Variants in RDX observed in about 807,000 individuals in gnomAD.
The protein encoded by RDX is deafness, autosomal recessive 24.
In RDX, 32 loss-of-function variants were observed where a neutral mutation model predicts 83.7. The observed-to-expected ratio is 0.38, with a 90% CI of 0.29 to 0.51. The LOEUF (loss-of-function observed/expected upper bound fraction) is 0.51. RDX is among the 20% of genes least tolerant of loss of function. The probability of loss-of-function intolerance (pLI) is 0.87; values close to 1 mark genes in which losing one functional copy is unlikely to be tolerated. For missense variants in RDX, 600 were observed against 689.9 expected (o/e 0.87, Z 1.46); for synonymous variants, 229 against 222.7 (o/e 1.03, Z -0.25).
At chr11:110,276,629 G>A (rs1860530510) in intron 2 of RDX, among the ~76,000 whole-genome samples, 1 of 152,110 alleles carries the variant, frequency 6.6e-6, no homozygotes, top group Non-Finnish European at 1.5e-5. Flanking sequence ...TTTTCTCACT[G>A]TACATTGACT....
intron 1 of RDX, among the ~76,000 whole-genome samples, chr11:110,282,026 G>A (rs1860786611): frequency 6.6e-6 from 1 of 150,526 alleles, no homozygotes; most frequent in South Asian, 2.1e-4. Flanking sequence ...GGGAAGTGCA[G>A]GTTGAAGTGA....
chr11:110,295,642 G>T (rs1224296434), intron 1 of RDX, among the ~76,000 whole-genome samples: 5 of 122,256 alleles, frequency 4.1e-5, no homozygotes, highest in Non-Finnish European at 8.3e-5. Flanking sequence ...TGTTTAAACT[G>T]AAAAAAAAAA....
intron 14 of RDX, among the ~76,000 whole-genome samples, chr11:110,212,160 C>T (rs1863861267): frequency 6.7e-6 from 1 of 150,100 alleles, no homozygotes; most frequent in Non-Finnish European, 1.5e-5. Flanking sequence ...GATATCACCA[C>T]CGATCCCACA....
downstream of RDX, among the ~76,000 whole-genome samples, chr11:110,226,020 C>G (rs1379814220): frequency 6.8e-6 from 1 of 146,542 alleles, no homozygotes; most frequent in Admixed American, 7.0e-5. Flanking sequence ...GAGCCAAAAT[C>G]GCATCACTGC....
intron 15 of RDX, among the ~76,000 whole-genome samples, chr11:110,196,868 C>A (rs1201486828): frequency 6.6e-6 from 1 of 152,170 alleles, no homozygotes; most frequent in Non-Finnish European, 1.5e-5. Flanking sequence ...GGGTCCTATT[C>A]ATGTGGAAAC....
intron 1 of RDX, among the ~76,000 whole-genome samples, chr11:110,289,193 G>A (rs980487074): frequency 2.1e-5 from 3 of 144,114 alleles, no homozygotes; most frequent in South Asian, 2.2e-4. Context: ...AGCCAAGATC[G>A]CGCCATTGCA....
chr11:110,264,185 C>A lies in RDX; in HGVS notation c.242G>T (p.Arg81Ile). Residue 81 changes from arginine to isoleucine, a missense_variant, in exon 5 of 14, where the codon AGA (arginine) becomes ATA (isoleucine). Transcript: ENST00000645495. ...KKENPLQFKF[R>I]AKFFPEDVSE... The stretch of plus-strand genomic sequence containing the variant: ...AACATCTTCAGGAAAGAATTTAGCT[C>A]TAAACTTGAACTGTAAAGGATTCTC... 3 of 1,611,632 alleles carry A rather than the reference C, an allele frequency of 1.9e-6. No individual in the cohort carries two copies. Among genetic ancestry groups the A allele is most frequent in the Middle Eastern group, 3.3e-4 (2 of 6,058 alleles).
intron 5 of RDX, among the ~76,000 whole-genome samples, chr11:110,258,711 T>C (rs1433892836): frequency 6.6e-6 from 1 of 152,174 alleles, no homozygotes; most frequent in Non-Finnish European, 1.5e-5. Flanking sequence ...TCTTCCTTTA[T>C]GTATTTACTT....
intron 3 of RDX, among the ~76,000 whole-genome samples, chr11:110,267,064 A>G (rs1860079848): frequency 1.3e-5 from 2 of 151,854 alleles, no homozygotes; most frequent in African/African-American, 4.8e-5. Context: ...CACCAAACCT[A>G]GCTAATTTTT....
chr11:110,251,215 A>G lies in RDX; in HGVS notation c.959+2731T>C, dbSNP rs532982467. 2.0e-5 allele frequency among the ~76,000 whole-genome samples: 3 copies of G among 152,328 alleles called. No homozygotes were observed. The South Asian group carries it at 6.2e-4, about 32-fold the overall frequency. The stretch of plus-strand genomic sequence containing the variant: ...GCAGTTGTTCTATTTCAAGGACATA[A>G]ATCACATTAATAAACTATTATTCCT... On this transcript the variant is annotated intron_variant, in intron 9 of 13. Transcript: ENST00000645495.
At position 110,239,800 on chromosome 11, in the gene RDX, G is replaced by C. The variant is rs1481467778; in HGVS notation, c.1091-2148C>G. 3.3e-5 allele frequency among the ~76,000 whole-genome samples: 5 copies of C among 151,648 alleles called. No individual in the cohort carries two copies. In the East Asian group the frequency reaches 9.7e-4, roughly 29 times the overall value. On this transcript the variant is annotated intron_variant, in intron 10 of 13. Transcript: ENST00000645495. ...GAGGCTAAGAATCACTTGAACCCGGGAGGTGGAGGTTGCCTGGGTGATAGA... is the reference window on the plus strand; with the variant it reads ...GAGGCTAAGAATCACTTGAACCCGGCAGGTGGAGGTTGCCTGGGTGATAGA...
chr11:110,258,454 C>G (rs1013282714), intron 5 of RDX, among the ~76,000 whole-genome samples: 1 of 152,112 alleles, frequency 6.6e-6, no homozygotes, highest in Non-Finnish European at 1.5e-5. Context: ...ATGTTACCAT[C>G]AGGGAATGCT....
At chr11:110,225,245 C>T (rs1368129957), downstream of RDX, among the ~76,000 whole-genome samples, 1 of 152,110 alleles carries the variant, frequency 6.6e-6, no homozygotes, top group East Asian at 1.9e-4. Context: ...AATTGGACTT[C>T]ATCAAAATTA....
At position 110,202,751 on chromosome 11, in the gene RDX, A is replaced by G. The variant is rs543635265; in HGVS notation, c.1749-3073T>C. 2.0e-5 allele frequency among the ~76,000 whole-genome samples: 3 copies of G among 152,098 alleles called. No homozygotes were observed. In the East Asian group the frequency reaches 5.8e-4, roughly 29 times the overall value. ...CAGTTTTTTTTTTAAAAGTAAAGAC[A>G]TACAAATGGCAGCAGATATATGAAA... On this transcript the variant is annotated intron_variant, in intron 14 of 15. Transcript: ENST00000528498.
chr11:110,252,471 G>T (rs1238058017), intron 9 of RDX, among the ~76,000 whole-genome samples: 8 of 152,142 alleles, frequency 5.3e-5, no homozygotes, highest in Admixed American at 5.2e-4. Flanking sequence ...ATACTATAGA[G>T]TGATGAGTAT....
intron 1 of RDX, among the ~76,000 whole-genome samples, chr11:110,280,935 C>T (rs1259367438): frequency 5.9e-5 from 9 of 152,084 alleles, no homozygotes; most frequent in South Asian, 2.1e-4. Flanking sequence ...GAGGCCGGGG[C>T]GGGAGGATCA....
At chr11:110,203,685 A>T (rs906899660) in intron 14 of RDX, among the ~76,000 whole-genome samples, 3 of 152,102 alleles carry the variant, frequency 2.0e-5, no homozygotes, top group Admixed American at 6.5e-5. Context: ...TAAATTTTTT[A>T]AATAAAATTT....
At chr11:110,257,965 A>G (rs1203212380) in intron 6 of RDX, 52 bp from the exon 7 acceptor site, 4 of 1,563,502 alleles carry the variant, frequency 2.6e-6, no homozygotes, top group Non-Finnish European at 2.6e-6. Flanking sequence ...ATATCAAACT[A>G]AAGTTGCAAA....
intron 10 of RDX, among the ~76,000 whole-genome samples, chr11:110,239,876 G>A (rs1865013017): frequency 6.6e-6 from 1 of 150,508 alleles, no homozygotes; most frequent in Non-Finnish European, 1.5e-5. Flanking sequence ...AACAGATGCT[G>A]GCGGGGATGT....
Sources: allele counts gnomAD v4.1 joint callset (sites outside exome capture counted in the v4.1 genomes callset), GRCh38; gene constraint gnomAD v4.1.1; transcripts MANE v1.5; gene names NCBI Gene and HGNC (gene_info 2026-07-23, HGNC 2026-07-21).